Variants in NAALADL2 observed in about 807,000 individuals in gnomAD.
NAALADL2 encodes the protein N-acetylated alpha-linked acidic dipeptidase like 2.
Under a neutral mutation model 87.2 loss-of-function variants are expected in NAALADL2, and 76 were observed. The observed-to-expected ratio is 0.87, with a 90% confidence interval of 0.72 to 1.05. The LOEUF (loss-of-function observed/expected upper bound fraction) is 1.05, where lower values mean the gene tolerates loss of function less well. Among genes scored for constraint, NAALADL2 ranks in the 50% least tolerant of loss-of-function variants. The probability of loss-of-function intolerance (pLI) is 0.00; values close to 1 mark genes in which losing one functional copy is unlikely to be tolerated. For missense variants in NAALADL2, 1,089 were observed against 945.8 expected (o/e 1.15, Z -1.99); for synonymous variants, 354 against 331.0 (o/e 1.07, Z -0.75).
At position 175,067,976 on chromosome 3, in the gene NAALADL2, T is replaced by C. The variant is rs1714856056; in HGVS notation, c.44-28814T>C. Among the ~76,000 whole-genome samples the C allele has an allele frequency of 3.3e-5, 5 of 152,048 alleles. No individual in the cohort carries two copies. The South Asian group carries it at 8.3e-4, about 25-fold the overall frequency. On this transcript the variant is annotated intron_variant, in intron 1 of 13. Coordinates refer to ENST00000454872, the MANE Select transcript of NAALADL2 (RefSeq NM_207015.3). ...GCTGGAGGTCATAATCCTAAGTGAA[T>C]TAATGTAGGAATAGAAAACCATATA...
chr3:175,168,471 T>A (rs1319422955), intron 2 of NAALADL2, among the ~76,000 whole-genome samples: 1 of 151,846 alleles, frequency 6.6e-6, no homozygotes, highest in African/African-American at 2.4e-5. Context: ...CACTAAGGTA[T>A]AATATAGCAA....
intron 2 of NAALADL2, among the ~76,000 whole-genome samples, chr3:174,718,695 G>T (rs1731431577): frequency 1.3e-5 from 2 of 152,142 alleles, no homozygotes; most frequent in Admixed American, 6.6e-5. Flanking sequence ...TTCAGAATTT[G>T]GATTAGATCC....
chr3:175,716,404 A>G (rs1044494970), intron 11 of NAALADL2, among the ~76,000 whole-genome samples: 4 of 150,210 alleles, frequency 2.7e-5, no homozygotes, highest in African/African-American at 9.8e-5. Flanking sequence ...CAAAAAGTCT[A>G]TGAAACTAAA....
intron 1 of NAALADL2, among the ~76,000 whole-genome samples, chr3:174,989,201 G>C (rs1240175630): frequency 6.6e-6 from 1 of 152,036 alleles, no homozygotes; most frequent in Non-Finnish European, 1.5e-5. Context: ...ACCTCCCATC[G>C]GGCCCCACCT....
chr3:175,500,088 C>T (rs1369527698), intron 9 of NAALADL2, among the ~76,000 whole-genome samples: 2 of 152,040 alleles, frequency 1.3e-5, no homozygotes, highest in Non-Finnish European at 2.9e-5. Context: ...ATGACTACCC[C>T]ATGCATGACC....
At chr3:174,678,091 T>A (rs956075656) in intron 2 of NAALADL2, among the ~76,000 whole-genome samples, 1 of 152,064 alleles carries the variant, frequency 6.6e-6, no homozygotes, top group Non-Finnish European at 1.5e-5. Context: ...ACAAAAAATT[T>A]TAGTGAGTAG....
intron 1 of NAALADL2, among the ~76,000 whole-genome samples, chr3:174,864,588 T>C (rs1025750903): frequency 6.6e-6 from 1 of 151,784 alleles, no homozygotes; most frequent in Non-Finnish European, 1.5e-5. Context: ...GACTTGATTG[T>C]TTATACGTTA....
At chr3:174,566,795 A>G (rs1019114601) in intron 2 of NAALADL2, among the ~76,000 whole-genome samples, 2 of 150,950 alleles carry the variant, frequency 1.3e-5, no homozygotes, top group East Asian at 1.9e-4. Context: ...TTTATTTCTA[A>G]AAGTTCTGTT....
chr3:174,714,714 T>C (rs1731013604), intron 2 of NAALADL2, among the ~76,000 whole-genome samples: 1 of 152,190 alleles, frequency 6.6e-6, no homozygotes, highest in Non-Finnish European at 1.5e-5. Context: ...CGATGGGGTT[T>C]TCTAGATATA....
In NAALADL2 at chr3:175,096,886, A is replaced by G. The variant is rs1721253417; in HGVS notation, c.140A>G (p.Asp47Gly). The G allele has an allele frequency of 6.2e-7, 1 of 1,613,216 alleles. No individual in the cohort carries two copies. The highest frequency in any genetic ancestry group is 8.5e-7 in the Non-Finnish European group (1 of 1,179,596). The change falls in exon 2 of 14, where the codon GAC becomes GGC. Residue 47 changes from aspartate (D) to glycine (G), a missense_variant. By Grantham distance (94) the Asp-to-Gly change is moderately conservative. Coordinates refer to ENST00000454872, the MANE Select transcript of NAALADL2 (RefSeq NM_207015.3). ...GATGACCTTCAAGCCACTGCCCTTG[A>G]CTTAGAGTGGGACATGGAGAAGGAA... Reference protein sequence around the residue: ...DNDDLQATALDLEWDMEKELE... With the variant: ...DNDDLQATALGLEWDMEKELE...
intron 10 of NAALADL2, among the ~76,000 whole-genome samples, chr3:175,589,725 A>C (rs1582525474): frequency 6.6e-6 from 1 of 151,402 alleles, no homozygotes; most frequent in African/African-American, 2.4e-5. Flanking sequence ...TCCTCTCTCT[A>C]ATTCTTCTAG....
intron 2 of NAALADL2, among the ~76,000 whole-genome samples, chr3:174,617,627 A>G (rs1720587176): frequency 6.6e-6 from 1 of 151,738 alleles, no homozygotes; most frequent in Non-Finnish European, 1.5e-5. Flanking sequence ...TCTTAATTAG[A>G]CCTATGTCTA....
chr3:174,743,301 A>G (rs1733934278), intron 3 of NAALADL2, among the ~76,000 whole-genome samples: 1 of 151,790 alleles, frequency 6.6e-6, no homozygotes, highest in South Asian at 2.1e-4. Context: ...TGTCTAAAAT[A>G]TCCATCATTT....
chr3:175,804,970 T>C lies in NAALADL2; in HGVS notation c.*1767T>C, dbSNP rs140249937. 6.6e-6 allele frequency: 1 copy of C among 151,946 alleles called. No homozygotes were observed. Among genetic ancestry groups the C allele is most frequent in the African/African-American group, 2.4e-5 (1 of 41,410 alleles). 9.4% of individuals were successfully genotyped at this position (151,946 alleles called of 1,614,324 possible). Reference sequence around the variant, plus strand: ...TGTATTTGTTTGCAAACATTTGCCATGTTGAAGAGTGTGTATAGGAAAGGT... The same window carrying C: ...TGTATTTGTTTGCAAACATTTGCCACGTTGAAGAGTGTGTATAGGAAAGGT... On this transcript the variant is annotated 3_prime_UTR_variant, in exon 14 of 14. Transcript: ENST00000454872.
At chr3:175,258,240 A>G (rs917357694) in intron 4 of NAALADL2, among the ~76,000 whole-genome samples, 11 of 151,218 alleles carry the variant, frequency 7.3e-5, no homozygotes, top group African/African-American at 2.4e-4. Flanking sequence ...CCCGGGAGGC[A>G]GAACTTGCAA....
At chr3:175,444,962 C>T (rs922775753) in intron 5 of NAALADL2, among the ~76,000 whole-genome samples, 2 of 152,140 alleles carry the variant, frequency 1.3e-5, no homozygotes, top group Admixed American at 1.3e-4. Context: ...AACATATTTT[C>T]TTATTTATAA....
chr3:175,338,611 A>C (rs1762245960), intron 5 of NAALADL2, among the ~76,000 whole-genome samples: 1 of 99,396 alleles, frequency 1.0e-5, no homozygotes, highest in East Asian at 6.4e-4. Flanking sequence ...AAAAAAAAAA[A>C]AAACACCACA....
intron 11 of NAALADL2, among the ~76,000 whole-genome samples, chr3:175,650,389 A>T (rs1440283626): frequency 1.3e-5 from 2 of 152,172 alleles, no homozygotes; most frequent in African/African-American, 4.8e-5. Context: ...GAGAGGTTTG[A>T]TGGAAATACT....
At chr3:175,068,614 G>T (rs1714986778) in intron 1 of NAALADL2, among the ~76,000 whole-genome samples, 1 of 152,038 alleles carries the variant, frequency 6.6e-6, no homozygotes, top group African/African-American at 2.4e-5. Flanking sequence ...TTTAACTTAG[G>T]TCTTGCTATC....
Sources: gnomAD v4.1 joint callset for allele counts (sites outside exome capture counted in the v4.1 genomes callset) on GRCh38, gnomAD v4.1.1 for gene constraint, MANE v1.5 for transcripts, NCBI Gene and HGNC (gene_info 2026-07-23, HGNC 2026-07-21) for gene names.